The following CTHRC1 variants were observed in gnomAD, a reference collection of about 807,000 sequenced individuals.
The protein encoded by CTHRC1 is collagen triple helix repeat containing 1, also known as collagen triple helix repeat-containing protein 1.
CTHRC1 carries 21 observed loss-of-function variants against 25.9 expected under a neutral mutation model. The observed-to-expected ratio is 0.81, with a 90% CI of 0.57 to 1.17. The LOEUF is 1.17. Ranked by LOEUF, CTHRC1 falls within the 50% of genes most tolerant of loss-of-function variation. The pLI, the probability that CTHRC1 is intolerant of heterozygous loss-of-function variation, is 0.00. For missense variants in CTHRC1, 281 were observed against 304.3 expected (o/e 0.92, Z 0.57); for synonymous variants, 109 against 113.1 (o/e 0.96, Z 0.23).
In CTHRC1 at chr8:103,371,685, C is replaced by T. The variant is rs1208504536; in HGVS notation, c.29C>T (p.Pro10Leu). Residue 10 changes from proline (P) to leucine (L), a missense_variant, in exon 1 of 4, where the codon CCG becomes CTG. Coordinates refer to ENST00000330295, the MANE Select transcript of CTHRC1 (RefSeq NM_138455.4). ...CGACCCCAGGGCCCCGCCGCCTCCC[C>T]GCAGCGGCTCCGCGGCCTCCTGCTG... The part of the protein sequence containing the change: MRPQGPAAS[P>L]QRLRGLLLLL... 4 of 1,533,356 alleles carry T rather than the reference C, an allele frequency of 2.6e-6. No homozygotes were observed. In the East Asian group the frequency reaches 7.6e-5, roughly 29 times the overall value. The allele number at this position is 1,533,356 out of a possible 1,614,324, so 95.0% of individuals were successfully genotyped here.
intron 2 of CTHRC1, among the ~76,000 whole-genome samples, chr8:103,377,612 T>C (rs1206898677): frequency 6.6e-6 from 1 of 152,202 alleles, no homozygotes; most frequent in Non-Finnish European, 1.5e-5. Context: ...TTGTTTATTT[T>C]AATTTTTTTG....
At chr8:103,379,594 G>A (rs1815868997) in intron 3 of CTHRC1, among the ~76,000 whole-genome samples, 1 of 152,110 alleles carries the variant, frequency 6.6e-6, no homozygotes, top group Non-Finnish European at 1.5e-5. Context: ...ATCAGAAAGT[G>A]TACATACTGT....
chr8:103,378,995 C>CAA (rs35368753), intron 3 of CTHRC1, among the ~76,000 whole-genome samples: 72 of 148,668 alleles, frequency 4.8e-4, no homozygotes, highest in South Asian at 4.0e-3. Flanking sequence ...GATGCAGTCT[C>CAA]AAAAAAAAAA....
intron 3 of CTHRC1, among the ~76,000 whole-genome samples, chr8:103,379,103 A>C (rs573058739): frequency 6.6e-6 from 1 of 152,344 alleles, no homozygotes; most frequent in South Asian, 2.1e-4. Flanking sequence ...AAAAGGGTGG[A>C]TACTGTCTGC....
At position 103,382,736 on chromosome 8, in the gene CTHRC1, T is replaced by A; in HGVS notation, c.*136T>A. 3.6e-6 allele frequency: 3 copies of A among 832,792 alleles called. No individual in the cohort carries two copies. Among genetic ancestry groups the A allele is most frequent in the Non-Finnish European group, 6.2e-6 (3 of 482,962 alleles). 51.6% of individuals were successfully genotyped at this position (832,792 alleles called of 1,614,324 possible). A position where few individuals can be genotyped will look rare whatever the true frequency, so the allele number is the denominator to read the frequency against. ...ATATGTTTACAGACCAAAGTGTGAT[T>A]TCACACTGTTTTTAAATCTAGCATT... On this transcript the variant is annotated 3_prime_UTR_variant, in exon 4 of 4. Transcript: ENST00000330295.
intron 1 of CTHRC1, 66 bp downstream of exon 1, chr8:103,371,872 G>C (rs1230309877): frequency 2.1e-6 from 3 of 1,423,590 alleles, no homozygotes; most frequent in Non-Finnish European, 2.8e-6. Flanking sequence ...CGCGCCCCAC[G>C]GGCAGGGCGT....
intron 3 of CTHRC1, 33 bp from the exon 4 acceptor site, chr8:103,382,425 A>C: frequency 6.2e-7 from 1 of 1,611,828 alleles, no homozygotes; most frequent in Non-Finnish European, 8.5e-7. Flanking sequence ...CTTTGTTCTA[A>C]AGAAAGATGT....
At chr8:103,372,856 A>T (rs1815733979) in intron 1 of CTHRC1, among the ~76,000 whole-genome samples, 1 of 152,108 alleles carries the variant, frequency 6.6e-6, no homozygotes, top group African/African-American at 2.4e-5. Context: ...TTTTTAATTA[A>T]AAAGAAAGTT....
Position 103,382,650 on chromosome 8 carries a change from G to A in CTHRC1, c.*50G>A. On this transcript the variant is annotated 3_prime_UTR_variant, in exon 4 of 4. Coordinates refer to ENST00000330295, the MANE Select transcript of CTHRC1 (RefSeq NM_138455.4). Reference sequence around the variant, plus strand: ...TCTTTTTTTATTATGCCTTGGAATGGTTCACTTAAATGACATTTTAAATAA... The same window carrying A: ...TCTTTTTTTATTATGCCTTGGAATGATTCACTTAAATGACATTTTAAATAA... 4.1e-6 allele frequency: 6 copies of A among 1,481,354 alleles called. No homozygotes were observed. Among genetic ancestry groups the A allele is most frequent in the Non-Finnish European group, 5.7e-6 (6 of 1,059,770 alleles). 91.8% of individuals were successfully genotyped at this position (1,481,354 alleles called of 1,614,324 possible). A position where few individuals can be genotyped will look rare whatever the true frequency, so the allele number is the denominator to read the frequency against.
At position 103,371,564 on chromosome 8, in the gene CTHRC1, C is replaced by T. The variant is rs1158421593; in HGVS notation, c.-93C>T. On this transcript the variant is annotated 5_prime_UTR_variant, in exon 1 of 4. Transcript: ENST00000330295. ...AAAGGCGCATTGATGCAGCCTGCGGCGGCCTCGGAGCGCGGCGGAGCCAGA... is the reference window on the plus strand; with the variant it reads ...AAAGGCGCATTGATGCAGCCTGCGGTGGCCTCGGAGCGCGGCGGAGCCAGA... 4 of 1,362,658 alleles carry T rather than the reference C, an allele frequency of 2.9e-6. No homozygotes were observed. The highest frequency in any genetic ancestry group is 4.4e-5 in the Admixed American group (2 of 45,278). 84.4% of individuals were successfully genotyped at this position (1,362,658 alleles called of 1,614,324 possible). A position where few individuals can be genotyped will look rare whatever the true frequency, so the allele number is the denominator to read the frequency against.
At chr8:103,377,541 CAAAATCTCTTACCTAGCTTGCAG>C (rs1189161785) in intron 2 of CTHRC1, among the ~76,000 whole-genome samples, 1 of 152,186 alleles carries the variant, frequency 6.6e-6, no homozygotes, top group East Asian at 1.9e-4. Flanking sequence ...GTTCCTATAT[CAAAATCTCTTACCTAGCTTGCAG>C]AAAATCTCCC....
chr8:103,378,318 G>T, intron 3 of CTHRC1, 75 bp downstream of exon 3: 2 of 1,200,060 alleles, frequency 1.7e-6, no homozygotes, highest in South Asian at 1.3e-5. Flanking sequence ...CTATCATGTT[G>T]GTTCACTAGC....
At position 103,382,742 on chromosome 8, in the gene CTHRC1, C is replaced by G. The variant is rs1815936479; in HGVS notation, c.*142C>G. 4.8e-6 allele frequency: 4 copies of G among 826,234 alleles called. No homozygotes were observed. The East Asian group carries it at 7.4e-5, about 15-fold the overall frequency. The allele number at this position is 826,234 out of a possible 1,614,324, so 51.2% of individuals were successfully genotyped here. A position where few individuals can be genotyped will look rare whatever the true frequency, so the allele number is the denominator to read the frequency against. On this transcript the variant is annotated 3_prime_UTR_variant, in exon 4 of 4. Coordinates refer to ENST00000330295, the MANE Select transcript of CTHRC1 (RefSeq NM_138455.4). ...TTACAGACCAAAGTGTGATTTCACACTGTTTTTAAATCTAGCATTATTCAT... is the reference window on the plus strand; with the variant it reads ...TTACAGACCAAAGTGTGATTTCACAGTGTTTTTAAATCTAGCATTATTCAT...
intron 3 of CTHRC1, among the ~76,000 whole-genome samples, chr8:103,378,796 C>T (rs1815854561): frequency 6.6e-6 from 1 of 152,066 alleles, no homozygotes; most frequent in Admixed American, 6.6e-5. Context: ...CGGGCAATCA[C>T]TTGAGCCTAG....
intron 1 of CTHRC1, among the ~76,000 whole-genome samples, chr8:103,373,443 C>CTT (rs33982219): frequency 0.068 from 10,182 of 149,340 alleles, 432 homozygotes; most frequent in Non-Finnish European, 0.097. Context: ...CCCTTCACAT[C>CTT]TTTTTTTTTT....
intron 1 of CTHRC1, chr8:103,372,653 T>A: frequency 6.3e-7 from 1 of 1,597,676 alleles, no homozygotes; most frequent in Non-Finnish European, 8.5e-7. Context: ...GGCTCATCTG[T>A]GGGAAGGTAT....
chr8:103,372,658 AG>A, intron 1 of CTHRC1: 1 of 1,597,590 alleles, frequency 6.3e-7, no homozygotes, highest in African/African-American at 1.3e-5. Context: ...ATCTGTGGGA[AG>A]GTATGTTTGC....
chr8:103,375,807 A>C lies in CTHRC1; in HGVS notation c.220A>C (p.Ile74Leu). ...GRDGSPGANGIPGTPGIPGRD... is the reference protein window; with the variant it reads ...GRDGSPGANGLPGTPGIPGRD... ...AGACGGGAGCCCTGGGGCCAATGGC[A>C]TTCCGGGTACACCTGGGATCCCAGG... The change falls in exon 2 of 4, where the codon ATT becomes CTT. Residue 74 changes from isoleucine (I) to leucine (L), a missense_variant. Ile to Leu is a conservative substitution (Grantham distance 5). Transcript: ENST00000330295. The C allele has an allele frequency of 6.2e-7, 1 of 1,614,126 alleles. No homozygotes were observed. Among genetic ancestry groups the C allele is most frequent in the Non-Finnish European group, 8.5e-7 (1 of 1,180,014 alleles).
chr8:103,373,741 A>T (rs930792436), intron 1 of CTHRC1, among the ~76,000 whole-genome samples: 34 of 149,460 alleles, frequency 2.3e-4, no homozygotes, highest in African/African-American at 7.9e-4. Flanking sequence ...GACAACCAAA[A>T]ATGTCTCTAG....
Sources: allele counts gnomAD v4.1 joint callset (sites outside exome capture counted in the v4.1 genomes callset), GRCh38; gene constraint gnomAD v4.1.1; transcripts MANE v1.5; gene names NCBI Gene and HGNC (gene_info 2026-07-23, HGNC 2026-07-21).